The following SVIL variants were observed in gnomAD, a reference collection of about 807,000 sequenced individuals.
SVIL encodes supervillin, also known as archvillin.
A neutral mutation model predicts 240.4 loss-of-function variants in SVIL; 101 were observed. The ratio of observed to expected loss-of-function variants is 0.42; its 90% confidence interval spans 0.36 to 0.50. SVIL has a LOEUF of 0.50. SVIL is among the 20% of genes least tolerant of loss of function. The pLI is 0.01. For missense variants in SVIL, 2,512 were observed against 2,818.7 expected, an observed-to-expected ratio of 0.89 and a Z score of 2.46; for synonymous variants, 999 against 1,100.0, an observed-to-expected ratio of 0.91 and a Z score of 1.82.
intron 1 of SVIL, among the ~76,000 whole-genome samples, chr10:29,608,541 A>G (rs1027801101): frequency 6.6e-6 from 1 of 152,268 alleles, no homozygotes; most frequent in Non-Finnish European, 1.5e-5. Flanking sequence ...GGGCCTGGGA[A>G]GCCTCCTATT....
intron 36 of SVIL, among the ~76,000 whole-genome samples, chr10:29,460,221 G>GAAT (rs1009555730): frequency 6.6e-6 from 1 of 152,172 alleles, no homozygotes; most frequent in East Asian, 1.9e-4. Context: ...AGTAAAATGG[G>GAAT]AATAATAATA....
chr10:29,610,212 C>A (rs984235750), intron 1 of SVIL, among the ~76,000 whole-genome samples: 1 of 152,132 alleles, frequency 6.6e-6, no homozygotes, highest in Admixed American at 6.5e-5. Flanking sequence ...CCCTCACGCC[C>A]CACCCTCGTC....
intron 6 of SVIL, among the ~76,000 whole-genome samples, chr10:29,539,056 T>G (rs1392733933): frequency 2.0e-5 from 3 of 152,080 alleles, no homozygotes; most frequent in African/African-American, 7.2e-5. Flanking sequence ...ACCTAGCTAC[T>G]CAGGAGGCTG....
intron 6 of SVIL, among the ~76,000 whole-genome samples, chr10:29,540,528 T>C (rs2132599496): frequency 6.6e-6 from 1 of 152,302 alleles, no homozygotes; most frequent in South Asian, 2.1e-4. Context: ...ACACGACTGG[T>C]AACAGAAGGA....
rs139380407 is a variant in SVIL at position 29,458,226 on chromosome 10, GCTC to G, written c.*18_*20del. On this transcript the variant is annotated 3_prime_UTR_variant, in exon 38 of 38. Transcript: ENST00000355867. ...TGGTGTTGTTGGACGTGACCGTGAG[GCTC>G]CTCTGGCGTCTCCCCACTCAGAACA... is the stretch of plus-strand genomic sequence containing the variant. 183,300 of 1,611,846 alleles carry G rather than the reference GCTC, an allele frequency of 0.11. 11,805 individuals are homozygous for G. The highest frequency in any genetic ancestry group is 0.13 in the Non-Finnish European group (155,444 of 1,178,358).
chr10:29,525,072 C>A (rs183021442), intron 13 of SVIL, among the ~76,000 whole-genome samples: 1 of 152,262 alleles, frequency 6.6e-6, no homozygotes, highest in South Asian at 2.1e-4. Context: ...GTATTACCTA[C>A]GGTGTATTTA....
chr10:29,617,678 T>C (rs1020829215), intron 1 of SVIL, among the ~76,000 whole-genome samples: 3 of 152,178 alleles, frequency 2.0e-5, no homozygotes, highest in Non-Finnish European at 4.4e-5. Context: ...TGGAGATTCA[T>C]TGGAAGCATC....
chr10:29,604,574 A>G (rs1956948178), intron 1 of SVIL, among the ~76,000 whole-genome samples: 1 of 144,346 alleles, frequency 6.9e-6, no homozygotes, highest in South Asian at 2.2e-4. Context: ...TTACTTACTC[A>G]TTGATGGATT....
At chr10:29,490,454 A>G (rs1947836901) in intron 22 of SVIL, among the ~76,000 whole-genome samples, 1 of 152,148 alleles carries the variant, frequency 6.6e-6, no homozygotes, top group African/African-American at 2.4e-5. Flanking sequence ...TCAACAAAAC[A>G]GGGTAATTTG....
intron 1 of SVIL, among the ~76,000 whole-genome samples, chr10:29,621,780 G>A (rs1358309077): frequency 6.6e-6 from 1 of 152,226 alleles, no homozygotes; most frequent in East Asian, 1.9e-4. Context: ...CTCTTCTGTT[G>A]TGAGCTCATT....
intron 1 of SVIL, among the ~76,000 whole-genome samples, chr10:29,581,257 C>T (rs1955933981): frequency 6.6e-6 from 1 of 152,180 alleles, no homozygotes; most frequent in Non-Finnish European, 1.5e-5. Flanking sequence ...AACTGCCTGA[C>T]CTGAGAAAAT....
intron 1 of SVIL, among the ~76,000 whole-genome samples, chr10:29,700,706 C>T (rs1367452724): frequency 1.3e-5 from 2 of 152,030 alleles, no homozygotes; most frequent in African/African-American, 4.8e-5. Context: ...ATCTCCTGAC[C>T]TCATGATCCG....
intron 1 of SVIL, among the ~76,000 whole-genome samples, chr10:29,629,525 C>T (rs976902564): frequency 1.3e-5 from 2 of 152,016 alleles, no homozygotes; most frequent in East Asian, 1.9e-4. Context: ...GCTAAAGCAG[C>T]GGTTATGAAT....
At chr10:29,591,111 G>A (rs764726246) in intron 1 of SVIL, among the ~76,000 whole-genome samples, 1 of 152,214 alleles carries the variant, frequency 6.6e-6, no homozygotes, top group Non-Finnish European at 1.5e-5. Flanking sequence ...ACAAACTTAT[G>A]TTCTAGTAAT....
chr10:29,631,557 A>T (rs1211369483), intron 1 of SVIL, among the ~76,000 whole-genome samples: 1 of 139,940 alleles, frequency 7.1e-6, no homozygotes, highest in Non-Finnish European at 1.6e-5. Context: ...TGGGCAGATC[A>T]TGAGGTCAGG....
chr10:29,510,730 C>T (rs188911136), intron 17 of SVIL, among the ~76,000 whole-genome samples: 10,818 of 146,344 alleles, frequency 0.074, 17 homozygotes, highest in South Asian at 0.11. Flanking sequence ...AGCATTCAGA[C>T]ACCCCGCAAG....
intron 1 of SVIL, among the ~76,000 whole-genome samples, chr10:29,621,978 C>T (rs916982939): frequency 2.6e-5 from 4 of 151,790 alleles, no homozygotes; most frequent in South Asian, 2.1e-4. Context: ...TGGCCGGGCG[C>T]GGTGGCTCAC....
At chr10:29,667,870 AT>A (rs1296015109) in intron 2 of SVIL, among the ~76,000 whole-genome samples, 2 of 150,628 alleles carry the variant, frequency 1.3e-5, no homozygotes, top group African/African-American at 2.4e-5. Flanking sequence ...AAAAAAAAAA[AT>A]AAGCTGTACA....
Position 29,625,903 on chromosome 10 carries a change from T to G in SVIL, c.-201+8517A>C, listed in dbSNP as rs200685598. On this transcript the variant is annotated intron_variant, in intron 1 of 37. Coordinates refer to ENST00000355867, the MANE Select transcript of SVIL (RefSeq NM_021738.3). ...TCCTTTGGTTAGGAACCATGCCGGG[T>G]TTTTTGGGGTCTTTTTTCAGCTTTG... Among the ~76,000 whole-genome samples the G allele has an allele frequency of 2.6e-5, 4 of 152,246 alleles. No individual in the cohort carries two copies. The East Asian group carries it at 7.7e-4, about 29-fold the overall frequency.
Sources: gnomAD v4.1 joint callset for allele counts (sites outside exome capture counted in the v4.1 genomes callset) on GRCh38, gnomAD v4.1.1 for gene constraint, MANE v1.5 for transcripts, NCBI Gene and HGNC (gene_info 2026-07-23, HGNC 2026-07-21) for gene names.